Variants in ADGRL3 observed in about 807,000 individuals in gnomAD.
ADGRL3 encodes the protein calcium-independent alpha-latrotoxin receptor 3.
A neutral mutation model predicts 153.5 loss-of-function variants in ADGRL3; 62 were observed. That is an observed-to-expected ratio of 0.40 (90% CI 0.33 to 0.50). The LOEUF is 0.50. Among genes scored for constraint, ADGRL3 ranks in the 20% least tolerant of loss-of-function variants. The pLI is 0.47. For missense variants in ADGRL3, 1,641 were observed against 1,859.4 expected (o/e 0.88, Z 2.16); for synonymous variants, 710 against 672.5 (o/e 1.06, Z -0.86).
At chr4:61,434,491 G>A (rs1034539836) in intron 2 of ADGRL3, among the ~76,000 whole-genome samples, 2 of 152,040 alleles carry the variant, frequency 1.3e-5, no homozygotes, top group Non-Finnish European at 2.9e-5. Flanking sequence ...GTGCATTCAT[G>A]TAGTGCTAAA....
At chr4:61,862,199 T>C (rs1337409302) in intron 9 of ADGRL3, among the ~76,000 whole-genome samples, 4 of 152,184 alleles carry the variant, frequency 2.6e-5, no homozygotes, top group African/African-American at 9.6e-5. Flanking sequence ...CATGGGTCTT[T>C]CCATTTTAAA....
chr4:61,449,455 T>TA (rs1456016138), intron 2 of ADGRL3, among the ~76,000 whole-genome samples: 1 of 151,884 alleles, frequency 6.6e-6, no homozygotes, highest in East Asian at 1.9e-4. Context: ...ATTTTTTTTT[T>TA]AAGTGAAATA....
At chr4:61,714,530 G>A (rs1309659085) in intron 6 of ADGRL3, among the ~76,000 whole-genome samples, 2 of 152,092 alleles carry the variant, frequency 1.3e-5, no homozygotes, top group Admixed American at 1.3e-4. Flanking sequence ...CCTTCTATTT[G>A]TCTTTACACA....
chr4:61,297,828 A>G (rs1273345960), intron 1 of ADGRL3, among the ~76,000 whole-genome samples: 8 of 144,238 alleles, frequency 5.5e-5, no homozygotes, highest in South Asian at 2.1e-4. Flanking sequence ...TACCGTCGCC[A>G]CCACCACCAC....
rs181203853 is a variant in ADGRL3 at position 61,230,679 on chromosome 4, G to A, written c.-240+28914G>A. ...GAATTACAAGTGTGAGCCACTGTGCGTAGCCTGTGGCTTATGTTTACAAAA... is the reference window on the plus strand; with the variant it reads ...GAATTACAAGTGTGAGCCACTGTGCATAGCCTGTGGCTTATGTTTACAAAA... On this transcript the variant is annotated intron_variant, in intron 1 of 26. Coordinates refer to ENST00000683033, the MANE Select transcript of ADGRL3 (RefSeq NM_001387552.1). Among the ~76,000 whole-genome samples, 20 of 152,174 alleles carry A rather than the reference G, an allele frequency of 1.3e-4. No individual in the cohort carries two copies. In the East Asian group the frequency reaches 2.1e-3, roughly 16 times the overall value.
chr4:61,209,615 C>A (rs115080175), intron 1 of ADGRL3, among the ~76,000 whole-genome samples: 2,802 of 152,140 alleles, frequency 0.018, 89 homozygotes, highest in African/African-American at 0.063. Flanking sequence ...TTCCCTCTGT[C>A]CTTTTTTAAC....
At chr4:61,414,912 A>G (rs2097129377) in intron 2 of ADGRL3, among the ~76,000 whole-genome samples, 1 of 152,036 alleles carries the variant, frequency 6.6e-6, no homozygotes, top group Non-Finnish European at 1.5e-5. Flanking sequence ...CTAAATTTTC[A>G]TCAAGATCCT....
At chr4:61,285,108 A>T (rs2150052952) in intron 1 of ADGRL3, among the ~76,000 whole-genome samples, 1 of 151,950 alleles carries the variant, frequency 6.6e-6, no homozygotes, top group Non-Finnish European at 1.5e-5. Flanking sequence ...GAAAGAAAAA[A>T]ATACGACCCT....
At chr4:62,069,322 C>A (rs1744643439) in intron 26 of ADGRL3, among the ~76,000 whole-genome samples, 1 of 151,992 alleles carries the variant, frequency 6.6e-6, no homozygotes, top group African/African-American at 2.4e-5. Context: ...TTTACACATT[C>A]TTTTGTAGTA....
intron 17 of ADGRL3, among the ~76,000 whole-genome samples, chr4:61,963,612 A>G (rs1581657509): frequency 6.6e-6 from 1 of 152,148 alleles, no homozygotes; most frequent in African/African-American, 2.4e-5. Flanking sequence ...TTATGGCTGC[A>G]TAGTATTTTA....
chr4:61,634,877 T>G (rs1442729028), intron 5 of ADGRL3, among the ~76,000 whole-genome samples: 1 of 152,188 alleles, frequency 6.6e-6, no homozygotes, highest in Admixed American at 6.5e-5. Context: ...ATGACTTTAA[T>G]TTTTGGAATG....
At chr4:61,701,872 A>C (rs904408038) in intron 6 of ADGRL3, among the ~76,000 whole-genome samples, 2 of 152,124 alleles carry the variant, frequency 1.3e-5, no homozygotes, top group African/African-American at 4.8e-5. Context: ...TCTAGAAGAA[A>C]AGTCTTGAGT....
chr4:61,719,272 C>A (rs1190856133), intron 6 of ADGRL3, among the ~76,000 whole-genome samples: 2 of 151,968 alleles, frequency 1.3e-5, no homozygotes, highest in Non-Finnish European at 2.9e-5. Context: ...TATTAAATAT[C>A]CCAATACTAC....
chr4:61,327,383 G>T (rs2150897086), intron 1 of ADGRL3, among the ~76,000 whole-genome samples: 1 of 150,310 alleles, frequency 6.7e-6, no homozygotes, highest in Non-Finnish European at 1.5e-5. Context: ...TGTAAAGTAT[G>T]CTCCTACCTG....
chr4:61,339,619 GT>G (rs1231418488), intron 1 of ADGRL3, among the ~76,000 whole-genome samples: 6 of 152,062 alleles, frequency 3.9e-5, no homozygotes, highest in African/African-American at 1.4e-4. Context: ...GACTTCATAT[GT>G]TTTTTAAATA....
chr4:61,781,574 G>A (rs538350147), intron 8 of ADGRL3, among the ~76,000 whole-genome samples: 3 of 151,948 alleles, frequency 2.0e-5, no homozygotes, highest in Non-Finnish European at 2.9e-5. Flanking sequence ...GTTTTATCCC[G>A]ACTCTAACTC....
chr4:61,811,191 G>T (rs1370055062), intron 8 of ADGRL3, among the ~76,000 whole-genome samples: 1 of 152,084 alleles, frequency 6.6e-6, no homozygotes, highest in Non-Finnish European at 1.5e-5. Flanking sequence ...GCTCAAAGCA[G>T]CATTGTTCAC....
intron 1 of ADGRL3, among the ~76,000 whole-genome samples, chr4:61,210,284 C>G (rs776572801): frequency 4.5e-4 from 68 of 152,080 alleles, no homozygotes; most frequent in Non-Finnish European, 9.4e-4. Flanking sequence ...GAATTGAAAG[C>G]CAAGTAGAAA....
At chr4:61,533,934 G>A (rs2098639179) in intron 4 of ADGRL3, among the ~76,000 whole-genome samples, 1 of 152,038 alleles carries the variant, frequency 6.6e-6, no homozygotes, top group Non-Finnish European at 1.5e-5. Context: ...ACACGTGCAG[G>A]TTTGTTATAT....
Sources: allele counts gnomAD v4.1 joint callset (sites outside exome capture counted in the v4.1 genomes callset), GRCh38; gene constraint gnomAD v4.1.1; transcripts MANE v1.5; gene names NCBI Gene and HGNC (gene_info 2026-07-23, HGNC 2026-07-21).